Variants in FBXO41 observed in about 807,000 individuals in gnomAD.
FBXO41 encodes F-box only protein 41.
In FBXO41, 33 loss-of-function variants were observed where a neutral mutation model predicts 81.6. The observed-to-expected ratio is 0.40, with a 90% CI of 0.31 to 0.54. The LOEUF (loss-of-function observed/expected upper bound fraction) is 0.54, where lower values mean the gene tolerates loss of function less well. Ranked by LOEUF, FBXO41 falls within the 20% of genes least tolerant of loss-of-function variation. The pLI is 0.39. For missense variants in FBXO41, 1,107 were observed against 1,236.0 expected, an observed-to-expected ratio of 0.90 and a Z score of 1.56; for synonymous variants, 576 against 552.7, an observed-to-expected ratio of 1.04 and a Z score of -0.59.
chr2:73,267,882 T>C (rs1438378050), intron 2 of FBXO41, among the ~76,000 whole-genome samples: 2 of 152,200 alleles, frequency 1.3e-5, no homozygotes, highest in African/African-American at 4.8e-5. Flanking sequence ...AACAGTATGG[T>C]TGTACATACT....
intron 2 of FBXO41, among the ~76,000 whole-genome samples, chr2:73,267,334 C>T (rs1225825584): frequency 6.6e-6 from 1 of 152,182 alleles, no homozygotes; most frequent in Non-Finnish European, 1.5e-5. Flanking sequence ...CTTGCAGGAA[C>T]CTTCAAAAAT....
chr2:73,272,079 T>A (rs1347688273), intron 1 of FBXO41: 1 of 152,224 alleles, frequency 6.6e-6, no homozygotes, highest in Non-Finnish European at 1.5e-5. Flanking sequence ...GGACATAAGC[T>A]GGCACTACTT....
Position 73,260,333 on chromosome 2 carries a change from C to G in FBXO41, c.2449+56G>C. On this transcript the variant is annotated intron_variant, in intron 11 of 12. Coordinates refer to ENST00000520530, the MANE Select transcript of FBXO41 (RefSeq NM_001371389.2). This position sits in a 1 kb window ranked among gnomAD's most constrained non-coding sequence, Gnocchi z 5.0. ...CAGTGATAGTTAGGATACCTGCTGACAGGGCCCCGTGGCAGGTGATAGTCG... is the reference window on the plus strand; with the variant it reads ...CAGTGATAGTTAGGATACCTGCTGAGAGGGCCCCGTGGCAGGTGATAGTCG... 1 of 1,567,468 alleles carries G rather than the reference C, an allele frequency of 6.4e-7. No homozygotes were observed. The highest frequency in any genetic ancestry group is 8.7e-7 in the Non-Finnish European group (1 of 1,152,148).
At position 73,269,166 on chromosome 2, in the gene FBXO41, C is replaced by T; in HGVS notation, c.465G>A (p.Gly155=). The change falls in exon 2 of 13, where the codon GGG becomes GGA. Residue 155 remains glycine, a synonymous_variant. Coordinates refer to ENST00000520530, the MANE Select transcript of FBXO41 (RefSeq NM_001371389.2). The surrounding 1 kb of genome is among the most constrained non-coding windows in gnomAD (Gnocchi z 7.0). Reference sequence around the variant, plus strand: ...CCACGGACTTGCGGGCGAACAGCTCCCCCAGCGGGATCTCGATCTCGCGCA... The same window carrying T: ...CCACGGACTTGCGGGCGAACAGCTCTCCCAGCGGGATCTCGATCTCGCGCA... The part of the protein sequence containing the change: ...YALREIEIPL[G]ELFARKSVAS... 6.6e-7 allele frequency: 1 copy of T among 1,525,546 alleles called. No individual in the cohort carries two copies. The highest frequency in any genetic ancestry group is 8.8e-7 in the Non-Finnish European group (1 of 1,141,494). 94.5% of individuals were successfully genotyped at this position (1,525,546 alleles called of 1,614,324 possible). A position where few individuals can be genotyped will look rare whatever the true frequency, so the allele number is the denominator to read the frequency against.
rs1409744059 is a variant in FBXO41 at position 73,259,070 on chromosome 2, C to T, written c.2566-26G>A. 6.2e-7 allele frequency: 1 copy of T among 1,605,668 alleles called. No individual in the cohort carries two copies. Among genetic ancestry groups the T allele is most frequent in the East Asian group, 2.2e-5 (1 of 44,542 alleles). ...CTGCGGACCGAACCCTGGGTTAGTT[C>T]TCCCTCCGTGCCAGGCAGGTGGGGC... On this transcript the variant is annotated intron_variant, in intron 12 of 12. Transcript: ENST00000520530. The surrounding 1 kb of genome is among the most constrained non-coding windows in gnomAD (Gnocchi z 4.2).
intron 1 of FBXO41, chr2:73,271,036 CTT>C: frequency 2.3e-6 from 1 of 437,490 alleles, no homozygotes; most frequent in Admixed American, 2.4e-5. Context: ...TTCTTGCTGC[CTT>C]CCTAAACGTC....
Position 73,269,636 on chromosome 2 carries a change from C to G in FBXO41, c.-6G>C, listed in dbSNP as rs746050253. 4.2e-6 allele frequency: 5 copies of G among 1,194,008 alleles called. No individual in the cohort carries two copies. The East Asian group carries it at 2.1e-4, about 51-fold the overall frequency. The allele number at this position is 1,194,008 out of a possible 1,614,324, so 74.0% of individuals were successfully genotyped here. A position where few individuals can be genotyped will look rare whatever the true frequency, so the allele number is the denominator to read the frequency against. On this transcript the variant is annotated 5_prime_UTR_variant, in exon 2 of 13. Coordinates refer to ENST00000520530, the MANE Select transcript of FBXO41 (RefSeq NM_001371389.2). This position sits in a 1 kb window ranked among gnomAD's most constrained non-coding sequence, Gnocchi z 7.0. ...GGCAGGTCCAGCGAGGCCATGGCCC[C>G]GCCGCCCCCGCGGCACGCGGGCTCC...
At chr2:73,270,235 T>C (rs1396907518) in intron 1 of FBXO41, among the ~76,000 whole-genome samples, 1 of 152,068 alleles carries the variant, frequency 6.6e-6, no homozygotes, top group African/African-American at 2.4e-5. Context: ...GATGATGAAG[T>C]CAGCATAGAG....
rs780071707 is a variant in FBXO41, at chr2:73,265,737, G to A, written c.1206-97C>T. On this transcript the variant is annotated intron_variant, in intron 4 of 12. Transcript: ENST00000520530. ...ACCATCAGCTGAGGGCAACCCACCCGCCCTGCTTTCCAAAAGCCCCCTCTG... is the reference window on the plus strand; with the variant it reads ...ACCATCAGCTGAGGGCAACCCACCCACCCTGCTTTCCAAAAGCCCCCTCTG... 8.8e-5 allele frequency: 126 copies of A among 1,429,390 alleles called. 1 individual carries two copies. Among genetic ancestry groups the A allele is most frequent in the East Asian group, 4.8e-4 (19 of 39,738 alleles). 88.5% of individuals were successfully genotyped at this position (1,429,390 alleles called of 1,614,324 possible). A position where few individuals can be genotyped will look rare whatever the true frequency, so the allele number is the denominator to read the frequency against.
intron 1 of FBXO41, among the ~76,000 whole-genome samples, chr2:73,277,188 A>T (rs1214086309): frequency 6.6e-6 from 1 of 152,230 alleles, no homozygotes. Flanking sequence ...TCTGGGGTCC[A>T]GGTGCCTCTT....
chr2:73,264,067 G>T lies in FBXO41; in HGVS notation c.1807-14C>A. ...CATTGCCAGGAACTGTGGGGGAGGGGAAGGACATTTGGAGATGAAGGGGTC... is the reference window on the plus strand; with the variant it reads ...CATTGCCAGGAACTGTGGGGGAGGGTAAGGACATTTGGAGATGAAGGGGTC... On this transcript the variant is annotated splice_polypyrimidine_tract_variant and intron_variant, in intron 6 of 12. Coordinates refer to ENST00000520530, the MANE Select transcript of FBXO41 (RefSeq NM_001371389.2). The T allele has an allele frequency of 6.3e-7, 1 of 1,577,102 alleles. No individual in the cohort carries two copies. The highest frequency in any genetic ancestry group is 1.2e-5 in the South Asian group (1 of 86,552).
chr2:73,276,618 GAGGGAGAGA>G (rs1688698010), intron 1 of FBXO41, among the ~76,000 whole-genome samples: 4 of 88,310 alleles, frequency 4.5e-5, no homozygotes, highest in African/African-American at 2.6e-4. Flanking sequence ...GAGAGGGAGA[GAGGGAGAGA>G]ATGCATTTAT....
chr2:73,271,395 C>T (rs985292601), intron 1 of FBXO41: 2 of 165,436 alleles, frequency 1.2e-5, no homozygotes, highest in Admixed American at 1.2e-4. Flanking sequence ...GCCAGTGAGC[C>T]CCAGGACTGT....
rs1221133272 is a variant in FBXO41 at position 73,269,218 on chromosome 2, A to T, written c.413T>A (p.Val138Glu). Residue 138 changes from valine (V) to glutamate (E), a missense_variant, in exon 2 of 13, where the codon GTG becomes GAG. Physicochemically the swap from Val to Glu is moderately radical, Grantham distance 121. Coordinates refer to ENST00000520530, the MANE Select transcript of FBXO41 (RefSeq NM_001371389.2). The surrounding 1 kb of genome is among the most constrained non-coding windows in gnomAD (Gnocchi z 7.0). ...CGCATAGCGCGCTGCTGCGGCGGGC[A>T]CAAGGCCCGGCTCGGCCAACTCCTC... is the stretch of plus-strand genomic sequence containing the variant. The part of the protein sequence containing the change: ...PCEELAEPGL[V>E]PAAAARYALR... 15 of 1,524,776 alleles carry T rather than the reference A, an allele frequency of 9.8e-6. No individual in the cohort carries two copies. The highest frequency in any genetic ancestry group is 1.3e-5 in the Non-Finnish European group (15 of 1,137,870). The allele number at this position is 1,524,776 out of a possible 1,614,324, so 94.5% of individuals were successfully genotyped here.
In FBXO41 at chr2:73,260,925, C is replaced by A; in HGVS notation, c.2172-67G>T. ...TGCTTGATAACCCAGCATGCTCCTC[C>A]TGTGGGACCCCTCCCTGACTCAGGC... is the stretch of plus-strand genomic sequence containing the variant. On this transcript the variant is annotated intron_variant, in intron 9 of 12. Transcript: ENST00000520530. The surrounding 1 kb of genome is among the most constrained non-coding windows in gnomAD (Gnocchi z 5.0). The A allele has an allele frequency of 1.5e-6, 2 of 1,321,872 alleles. No individual in the cohort carries two copies. The highest frequency in any genetic ancestry group is 2.5e-5 in the East Asian group (1 of 39,464). 81.9% of individuals were successfully genotyped at this position (1,321,872 alleles called of 1,614,324 possible).
chr2:73,277,112 G>C (rs1688719892), intron 1 of FBXO41, among the ~76,000 whole-genome samples: 1 of 152,206 alleles, frequency 6.6e-6, no homozygotes, highest in Non-Finnish European at 1.5e-5. Flanking sequence ...CAGACAGCAG[G>C]GGAAGGGGAA....
chr2:73,258,129 C>A lies in FBXO41; in HGVS notation c.*853G>T, dbSNP rs1400450132. 2.6e-5 allele frequency: 4 copies of A among 152,264 alleles called. No individual in the cohort carries two copies. Among genetic ancestry groups the A allele is most frequent in the African/African-American group, 9.6e-5 (4 of 41,452 alleles). The allele number at this position is 152,264 out of a possible 1,614,324, so 9.4% of individuals were successfully genotyped here. ...GGACAGGAACTACTTCTCACTGTGA[C>A]AGGGCTGCCTGGGGCTGGGACCTTG... is the stretch of plus-strand genomic sequence containing the variant. On this transcript the variant is annotated 3_prime_UTR_variant, in exon 13 of 13. Transcript: ENST00000520530.
chr2:73,255,859 G>C lies in FBXO41; in HGVS notation c.*3123C>G, dbSNP rs967107490. 6.6e-6 allele frequency: 1 copy of C among 152,190 alleles called. No homozygotes were observed. Among genetic ancestry groups the C allele is most frequent in the African/African-American group, 2.4e-5 (1 of 41,424 alleles). 9.4% of individuals were successfully genotyped at this position (152,190 alleles called of 1,614,324 possible). A position where few individuals can be genotyped will look rare whatever the true frequency, so the allele number is the denominator to read the frequency against. On this transcript the variant is annotated 3_prime_UTR_variant, in exon 13 of 13. Coordinates refer to ENST00000520530, the MANE Select transcript of FBXO41 (RefSeq NM_001371389.2). ...ATTCCTGAGGGGCTGGCTCAGACTC[G>C]AGTGTCACAGAACCAAGAAAACAGG...
Position 73,258,745 on chromosome 2 carries a change from A to G in FBXO41, c.*237T>C. On this transcript the variant is annotated 3_prime_UTR_variant, in exon 13 of 13. Coordinates refer to ENST00000520530, the MANE Select transcript of FBXO41 (RefSeq NM_001371389.2). The stretch of plus-strand genomic sequence containing the variant: ...TGCCAGAGGCTACTCCAGCCGGGGT[A>G]GGGTGGGGGTCGGAGGGCAGCTTCT... 2.1e-6 allele frequency: 1 copy of G among 470,182 alleles called. No individual in the cohort carries two copies. Among genetic ancestry groups the G allele is most frequent in the Non-Finnish European group, 3.7e-6 (1 of 267,434 alleles). The allele number at this position is 470,182 out of a possible 1,614,324, so 29.1% of individuals were successfully genotyped here.
Sources: gnomAD v4.1 joint callset for allele counts (sites outside exome capture counted in the v4.1 genomes callset) on GRCh38, gnomAD v4.1.1 for gene constraint, Gnocchi (gnomAD v3.1) non-coding constraint, MANE v1.5 for transcripts, NCBI Gene and HGNC (gene_info 2026-07-23, HGNC 2026-07-21) for gene names.